CCDC171: variants seen among roughly 807,000 people sequenced by gnomAD.
The protein encoded by CCDC171 is coiled-coil domain-containing protein 171.
A neutral mutation model predicts 168.2 loss-of-function variants in CCDC171; 177 were observed. That is an observed-to-expected ratio of 1.05 (90% CI 0.93 to 1.19). The LOEUF is 1.19. Among genes scored for constraint, CCDC171 ranks in the 50% most tolerant of loss-of-function variants. The pLI is 0.00. For synonymous variants in CCDC171, 687 were observed against 540.8 expected (o/e 1.27, Z -3.75); for missense variants, 1,991 against 1,539.0 (o/e 1.29, Z -4.91).
At chr9:16,021,597 C>T (rs1192101154) in intron 4 of CCDC171, among the ~76,000 whole-genome samples, 1 of 152,108 alleles carries the variant, frequency 6.6e-6, no homozygotes, top group Non-Finnish European at 1.5e-5. Flanking sequence ...CTCTAAGATT[C>T]AAGTCTCTTA....
intron 9 of CCDC171, among the ~76,000 whole-genome samples, chr9:15,673,084 T>G (rs2049242549): frequency 6.6e-6 from 1 of 152,194 alleles, no homozygotes; most frequent in African/African-American, 2.4e-5. Flanking sequence ...CCTTGTAAGT[T>G]GTATTCCTAG....
intron 10 of CCDC171, among the ~76,000 whole-genome samples, chr9:15,690,229 A>G (rs1385783020): frequency 6.6e-6 from 1 of 152,190 alleles, no homozygotes; most frequent in African/African-American, 2.4e-5. Context: ...AATACTAAAA[A>G]CATTAAACAC....
intron 25 of CCDC171, among the ~76,000 whole-genome samples, chr9:15,964,529 T>C (rs1369176833): frequency 1.3e-5 from 2 of 152,130 alleles, no homozygotes; most frequent in Non-Finnish European, 2.9e-5. Context: ...CTACCATCAG[T>C]TGTGTCAGGA....
chr9:15,795,756 A>G (rs1188026968), intron 21 of CCDC171, among the ~76,000 whole-genome samples: 1 of 152,228 alleles, frequency 6.6e-6, no homozygotes, highest in Non-Finnish European at 1.5e-5. Flanking sequence ...CAGCTACATG[A>G]GAATTTGACA....
intron 7 of CCDC171, among the ~76,000 whole-genome samples, chr9:15,637,584 G>A (rs916096872): frequency 1.0e-4 from 15 of 150,170 alleles, no homozygotes; most frequent in African/African-American, 3.7e-4. Context: ...TCGTCATTTA[G>A]CATTAGGTGT....
rs1218442805 is a variant in CCDC171 at position 15,677,881 on chromosome 9, TATATA to T, written c.1077-876_1077-872del. Among the ~76,000 whole-genome samples, 34 of 7,686 alleles carry T rather than the reference TATATA, an allele frequency of 4.4e-3. 2 individuals carry two copies. Among genetic ancestry groups the T allele is most frequent in the Admixed American group, 0.022 (15 of 670 alleles). The allele number at this position is 7,686 out of a possible 152,430, so 5.0% of individuals were successfully genotyped here. A position where few individuals can be genotyped will look rare whatever the true frequency, so the allele number is the denominator to read the frequency against. ...TATATATATATGTGTGTGTGTGTCATATATATATATATATATATATATATATATAT... is the reference window on the plus strand; with the variant it reads ...TATATATATATGTGTGTGTGTGTCATTATATATATATATATATATATATAT... On this transcript the variant is annotated intron_variant, in intron 9 of 25. Coordinates refer to ENST00000380701, the MANE Select transcript of CCDC171 (RefSeq NM_173550.4).
intron 3 of CCDC171, among the ~76,000 whole-genome samples, chr9:15,577,495 C>G (rs150165218): frequency 1.4e-4 from 21 of 152,274 alleles, no homozygotes; most frequent in African/African-American, 4.8e-4. Flanking sequence ...TCACTAGAAT[C>G]CCATTTCTAC....
At chr9:16,101,560 C>T in the CCDC171 span, among the ~76,000 whole-genome samples, 1 of 152,186 alleles carries the variant, frequency 6.6e-6, no homozygotes, top group African/African-American at 2.4e-5. Context: ...AATCAGTTGA[C>T]TTTATCAAGT....
chr9:15,815,624 C>G lies in CCDC171; in HGVS notation c.3267+30930C>G, dbSNP rs1159862237. Among the ~76,000 whole-genome samples the G allele has an allele frequency of 4.3e-5, 5 of 115,068 alleles. 2 individuals carry two copies. The highest frequency in any genetic ancestry group is 1.6e-4 in the African/African-American group (5 of 30,688). The allele number at this position is 115,068 out of a possible 152,430, so 75.5% of individuals were successfully genotyped here. On this transcript the variant is annotated intron_variant, in intron 21 of 25. Coordinates refer to ENST00000380701, the MANE Select transcript of CCDC171 (RefSeq NM_173550.4). ...AATGTTGCATAAAGTAATATAATCA[C>G]TTAATTTTGAATAAATAATCATATT... is the stretch of plus-strand genomic sequence containing the variant.
chr9:15,714,952 C>T (rs866262247), intron 11 of CCDC171, among the ~76,000 whole-genome samples: 1 of 152,266 alleles, frequency 6.6e-6, no homozygotes, highest in Middle Eastern at 3.4e-3. Flanking sequence ...GCTTTGACTC[C>T]ACTACCCATT....
chr9:15,806,059 T>C (rs1216382349), intron 21 of CCDC171, among the ~76,000 whole-genome samples: 1 of 152,186 alleles, frequency 6.6e-6, no homozygotes, highest in African/African-American at 2.4e-5. Flanking sequence ...TTGCAACCCC[T>C]GCTTTGTTCT....
chr9:15,648,857 A>C (rs1275628259), intron 7 of CCDC171, among the ~76,000 whole-genome samples: 1 of 152,202 alleles, frequency 6.6e-6, no homozygotes, highest in Non-Finnish European at 1.5e-5. Context: ...CATCCCCATC[A>C]AGCTACCAAT....
At chr9:15,644,030 A>G (rs1267506113) in intron 7 of CCDC171, among the ~76,000 whole-genome samples, 1 of 152,164 alleles carries the variant, frequency 6.6e-6, no homozygotes. Context: ...AAATGGTGCT[A>G]TAAACTTTTG....
chr9:15,560,327 C>T (rs2039183780), intron 1 of CCDC171, among the ~76,000 whole-genome samples: 1 of 152,122 alleles, frequency 6.6e-6, no homozygotes, highest in African/African-American at 2.4e-5. Flanking sequence ...GGGTGTTTTC[C>T]ACTGGGTTCC....
chr9:15,957,589 T>C (rs551893207), intron 25 of CCDC171, among the ~76,000 whole-genome samples: 1 of 152,324 alleles, frequency 6.6e-6, no homozygotes, highest in African/African-American at 2.4e-5. Context: ...TCCCCTTTTC[T>C]GCCCAAGCAG....
rs1192792769 is a variant in CCDC171 at position 15,894,281 on chromosome 9, G to A, written c.3600+19618G>A. On this transcript the variant is annotated intron_variant, in intron 24 of 25. Transcript: ENST00000380701. ...ACACATACTGGGGCTTGTTGGGGGC[G>A]AGTTGTGGGGGAAGAGCATCAGGAA... is the stretch of plus-strand genomic sequence containing the variant. 2.0e-5 allele frequency among the ~76,000 whole-genome samples: 3 copies of A among 151,878 alleles called. No individual in the cohort carries two copies. The East Asian group carries it at 5.8e-4, about 29-fold the overall frequency.
At chr9:15,933,850 G>C (rs532169029) in intron 25 of CCDC171, among the ~76,000 whole-genome samples, 55 of 152,040 alleles carry the variant, frequency 3.6e-4, no homozygotes, top group African/African-American at 1.3e-3. Flanking sequence ...ATCTTCATGA[G>C]CTTGGATTTG....
intron 18 of CCDC171, among the ~76,000 whole-genome samples, chr9:15,772,589 A>G (rs1351101290): frequency 1.3e-5 from 2 of 152,240 alleles, no homozygotes; most frequent in Middle Eastern, 3.2e-3. Flanking sequence ...AGAAAGTTGC[A>G]TATAAATAGT....
exon 8 of CCDC171, chr9:16,036,113 C>T (rs1443212888): frequency 6.6e-6 from 1 of 152,228 alleles, no homozygotes; most frequent in Non-Finnish European, 1.5e-5. Flanking sequence ...CAGAAAAGTT[C>T]TTTCTCCACA....
Sources: gnomAD v4.1 joint callset for allele counts (sites outside exome capture counted in the v4.1 genomes callset) on GRCh38, gnomAD v4.1.1 for gene constraint, MANE v1.5 for transcripts, NCBI Gene and HGNC (gene_info 2026-07-23, HGNC 2026-07-21) for gene names.